Variants in DMD observed in about 807,000 individuals in gnomAD.
DMD encodes dystrophin, also known as mutant dystrophin.
In DMD, 63 loss-of-function variants were observed where a neutral mutation model predicts 330.1. That is an observed-to-expected ratio of 0.19 (90% CI 0.16 to 0.24). The LOEUF (loss-of-function observed/expected upper bound fraction) is 0.24. Ranked by LOEUF, DMD falls within the 10% of genes least tolerant of loss-of-function variation. DMD has a pLI of 1.00. For missense variants in DMD, 3,344 were observed against 2,684.1 expected, an observed-to-expected ratio of 1.25 and a Z score of -5.43; for synonymous variants, 1,223 against 959.8, an observed-to-expected ratio of 1.27 and a Z score of -5.07.
intron 2 of DMD, among the ~76,000 whole-genome samples, chrX:32,943,404 G>A (rs1008093796): frequency 7.2e-5 from 8 of 111,089 alleles, no homozygotes; most frequent in East Asian, 2.8e-4. Flanking sequence ...ATATATAAGC[G>A]GGATCATAAT....
intron 47 of DMD, among the ~76,000 whole-genome samples, chrX:31,897,864 T>G (rs1405675304): frequency 2.1e-4 from 23 of 110,263 alleles, no homozygotes; most frequent in African/African-American, 3.0e-4. Context: ...TTTCTCCCAT[T>G]TTGTAGGTTG....
chrX:32,875,181 C>G (rs1488745009), intron 2 of DMD, among the ~76,000 whole-genome samples: 1 of 112,057 alleles, frequency 8.9e-6, no homozygotes, highest in Non-Finnish European at 1.9e-5. Context: ...CCCTCTCGAT[C>G]GAGACCTTGA....
intron 44 of DMD, among the ~76,000 whole-genome samples, chrX:32,115,876 A>G (rs1040322993): frequency 1.8e-5 from 2 of 111,688 alleles, no homozygotes; most frequent in African/African-American, 6.5e-5. Flanking sequence ...GTGGACTAGT[A>G]ACGTGGCTTC....
chrX:32,930,703 T>C (rs1299127952), intron 2 of DMD, among the ~76,000 whole-genome samples: 1 of 110,434 alleles, frequency 9.1e-6, no homozygotes, highest in Non-Finnish European at 1.9e-5. Flanking sequence ...ATGCAACCCC[T>C]ACTCCTCCAT....
At chrX:31,811,110 G>A (rs1375913198) in intron 50 of DMD, among the ~76,000 whole-genome samples, 4 of 111,796 alleles carry the variant, frequency 3.6e-5, no homozygotes, top group Non-Finnish European at 7.5e-5. Flanking sequence ...AACCCTAACT[G>A]GAAATGGTAA....
intron 21 of DMD, among the ~76,000 whole-genome samples, chrX:32,479,543 CT>C (rs2041609249): frequency 2.7e-5 from 3 of 109,933 alleles, no homozygotes; most frequent in Non-Finnish European, 5.7e-5. Context: ...ATTTGTCTTT[CT>C]TTGCCTGGCT....
chrX:32,736,304 T>C (rs930307242), intron 7 of DMD, among the ~76,000 whole-genome samples: 2 of 111,427 alleles, frequency 1.8e-5, no homozygotes, highest in African/African-American at 6.6e-5. Flanking sequence ...AGGAACACTT[T>C]TTCACTGTTG....
chrX:33,183,195 T>G (rs145945500), intron 1 of DMD, among the ~76,000 whole-genome samples: 203 of 112,092 alleles, frequency 1.8e-3, no homozygotes, highest in African/African-American at 6.1e-3. Flanking sequence ...TTATTCTGAT[T>G]TAAAAACAAT....
intron 12 of DMD, among the ~76,000 whole-genome samples, chrX:32,613,627 A>T (rs1049643581): frequency 4.5e-5 from 5 of 110,363 alleles, no homozygotes; most frequent in East Asian, 2.9e-4. Context: ...AAATTACATT[A>T]AAAAAAATCG....
chrX:31,496,114 T>G (rs1215168195), intron 57 of DMD, among the ~76,000 whole-genome samples: 1 of 112,145 alleles, frequency 8.9e-6, no homozygotes, highest in Non-Finnish European at 1.9e-5. Flanking sequence ...AACTATTCTA[T>G]TTTAGAAACT....
intron 18 of DMD, among the ~76,000 whole-genome samples, chrX:32,507,729 C>T (rs1224070318): frequency 9.0e-6 from 1 of 111,324 alleles, no homozygotes; most frequent in Non-Finnish European, 1.9e-5. Flanking sequence ...AAATAAGATT[C>T]CTTATACTAC....
chrX:32,400,419 CT>C (rs1304446029), intron 30 of DMD, among the ~76,000 whole-genome samples: 1 of 111,173 alleles, frequency 9.0e-6, no homozygotes, highest in Non-Finnish European at 1.9e-5. Flanking sequence ...CTAAAATTCT[CT>C]TTTTTGGTTG....
At chrX:32,853,991 A>T (rs2081350570) in intron 2 of DMD, among the ~76,000 whole-genome samples, 1 of 111,722 alleles carries the variant, frequency 9.0e-6, no homozygotes, top group African/African-American at 3.3e-5. Context: ...AGATCAACAT[A>T]TAATAAAGGA....
intron 2 of DMD, among the ~76,000 whole-genome samples, chrX:32,930,211 T>A (rs978374574): frequency 1.8e-5 from 2 of 111,145 alleles, no homozygotes; most frequent in Non-Finnish European, 3.8e-5. Context: ...ATACTGAAAG[T>A]CAAAACCAGA....
chrX:32,809,252 A>G (rs1456699182), intron 7 of DMD, among the ~76,000 whole-genome samples: 2 of 112,002 alleles, frequency 1.8e-5, no homozygotes, highest in Non-Finnish European at 3.8e-5. Context: ...GGGCATACAC[A>G]TTTTAAAGGC....
chrX:31,713,915 G>C (rs995759349), intron 52 of DMD, among the ~76,000 whole-genome samples: 1 of 111,556 alleles, frequency 9.0e-6, no homozygotes, highest in African/African-American at 3.3e-5. Flanking sequence ...AAATTATTAA[G>C]TATAAAAATT....
chrX:32,234,966 T>C lies in DMD; in HGVS notation c.6291-17903A>G, dbSNP rs149105241. ...TGGATTCAAATCCAGCTTTCACTTA[T>C]CCCATAAAACAGTGGTCCCTGACCC... On this transcript the variant is annotated intron_variant, in intron 43 of 78. Coordinates refer to ENST00000357033, the MANE Select transcript of DMD (RefSeq NM_004006.3). 1.1e-3 allele frequency among the ~76,000 whole-genome samples: 124 copies of C among 111,979 alleles called. 2 individuals are homozygous for C. The East Asian group carries it at 0.031, about 28-fold the overall frequency.
At chrX:32,195,750 C>A (rs1039590865) in intron 44 of DMD, among the ~76,000 whole-genome samples, 1 of 111,530 alleles carries the variant, frequency 9.0e-6, no homozygotes, top group African/African-American at 3.3e-5. Flanking sequence ...AGCCAGTGAG[C>A]TTCAACAGAA....
chrX:32,840,159 C>T (rs1005978972), intron 4 of DMD, among the ~76,000 whole-genome samples: 1 of 111,951 alleles, frequency 8.9e-6, no homozygotes, highest in African/African-American at 3.2e-5. Context: ...CCCATTAAAG[C>T]TCTAGCTCAG....
Sources: gnomAD v4.1 joint callset for allele counts (sites outside exome capture counted in the v4.1 genomes callset) on GRCh38, gnomAD v4.1.1 for gene constraint, MANE v1.5 for transcripts, NCBI Gene and HGNC (gene_info 2026-07-23, HGNC 2026-07-21) for gene names.